CCDC88A: variants seen among roughly 807,000 people sequenced by gnomAD.
CCDC88A encodes girdin.
A neutral mutation model predicts 234.3 loss-of-function variants in CCDC88A; 54 were observed. The ratio of observed to expected loss-of-function variants is 0.23; its 90% confidence interval spans 0.19 to 0.29. The LOEUF (loss-of-function observed/expected upper bound fraction) is 0.29. Among genes scored for constraint, CCDC88A ranks in the 10% least tolerant of loss-of-function variants. The pLI is 1.00. For synonymous variants in CCDC88A, 753 were observed against 737.8 expected, an observed-to-expected ratio of 1.02 and a Z score of -0.33; for missense variants, 1,832 against 2,123.4, an observed-to-expected ratio of 0.86 and a Z score of 2.70.
intron 4 of CCDC88A, among the ~76,000 whole-genome samples, chr2:55,374,518 G>T (rs1050630122): frequency 1.3e-5 from 2 of 152,094 alleles, no homozygotes; most frequent in Non-Finnish European, 2.9e-5. Context: ...TTTTAAGTTT[G>T]TAACTACATC....
At chr2:55,322,775 G>A in intron 17 of CCDC88A, 83 bp from the exon 18 acceptor site, 1 of 644,680 alleles carries the variant, frequency 1.6e-6, no homozygotes, top group Non-Finnish European at 2.5e-6. Context: ...ACTCTGGGCT[G>A]ATCTGGTGAA....
At chr2:55,336,367 C>T (rs1685460962) in intron 14 of CCDC88A, among the ~76,000 whole-genome samples, 4 of 151,970 alleles carry the variant, frequency 2.6e-5, no homozygotes, top group Admixed American at 1.3e-4. Context: ...GCTCCATTTC[C>T]TGGCCAACTC....
intron 7 of CCDC88A, among the ~76,000 whole-genome samples, chr2:55,359,523 A>G (rs2104776146): frequency 6.6e-6 from 1 of 151,814 alleles, no homozygotes; most frequent in East Asian, 1.9e-4. Flanking sequence ...AAAAACAAAC[A>G]AAATAATCTG....
At chr2:55,391,553 A>G (rs1487957391) in intron 2 of CCDC88A, among the ~76,000 whole-genome samples, 1 of 152,252 alleles carries the variant, frequency 6.6e-6, no homozygotes, top group Non-Finnish European at 1.5e-5. Context: ...AACGTTAAGT[A>G]GGAAGAAATG....
rs562659960 is a variant in CCDC88A at position 55,289,832 on chromosome 2, T to A, written c.*1368A>T. 1 of 152,042 alleles carries A rather than the reference T, an allele frequency of 6.6e-6. No individual in the cohort carries two copies. Among genetic ancestry groups the A allele is most frequent in the Admixed American group, 6.6e-5 (1 of 15,260 alleles). The allele number at this position is 152,042 out of a possible 1,614,324, so 9.4% of individuals were successfully genotyped here. On this transcript the variant is annotated 3_prime_UTR_variant, in exon 33 of 33. Transcript: ENST00000436346. ...TTTCTTATGGTTACTGGGTTAGTGA[T>A]GAAACCCACAACTCATAAACCACAC...
At chr2:55,405,558 C>CTG (rs1679399772) in intron 2 of CCDC88A, 1 of 152,280 alleles carries the variant, frequency 6.6e-6, no homozygotes, top group East Asian at 1.9e-4. Context: ...TCAGGGTCCC[C>CTG]AACCCCTGGG....
At position 55,291,250 on chromosome 2, in the gene CCDC88A, T is replaced by G. The variant is rs534529827; in HGVS notation, c.*36-86A>C. 3 of 152,746 alleles carry G rather than the reference T, an allele frequency of 2.0e-5. No homozygotes were observed. In the South Asian group the frequency reaches 6.2e-4, roughly 32 times the overall value. 9.5% of individuals were successfully genotyped at this position (152,746 alleles called of 1,614,324 possible). On this transcript the variant is annotated intron_variant, in intron 32 of 32. Transcript: ENST00000436346. ...GAGACACAAAATACAGAGCAGCCAC[T>G]ATAAGAACAGCATGCACCAGGTATT...
chr2:55,342,212 T>G (rs1282487678), intron 12 of CCDC88A, among the ~76,000 whole-genome samples: 1 of 152,218 alleles, frequency 6.6e-6, no homozygotes, highest in Non-Finnish European at 1.5e-5. Flanking sequence ...TTAAAAAATT[T>G]TTAGTGCCTT....
At chr2:55,401,168 A>AAT (rs1678544422) in intron 2 of CCDC88A, among the ~76,000 whole-genome samples, 1 of 151,666 alleles carries the variant, frequency 6.6e-6, no homozygotes, top group Admixed American at 6.6e-5. Context: ...GGTGGCTCAT[A>AAT]CCCATAATCC....
At chr2:55,355,451 C>T (rs866718783) in intron 8 of CCDC88A, 128 bp downstream of exon 8, 4 of 698,822 alleles carry the variant, frequency 5.7e-6, no homozygotes, top group Middle Eastern at 5.4e-4. Flanking sequence ...TGCCAACCTC[C>T]TTATTTTTCT....
chr2:55,372,789 T>C (rs1223328453), intron 4 of CCDC88A, among the ~76,000 whole-genome samples: 3 of 152,194 alleles, frequency 2.0e-5, no homozygotes, highest in Admixed American at 6.5e-5. Context: ...TCCTTTTCCA[T>C]AAATGATTGT....
At chr2:55,403,676 G>C (rs1405448652) in intron 2 of CCDC88A, 1 of 152,228 alleles carries the variant, frequency 6.6e-6, no homozygotes, top group Admixed American at 6.5e-5. Flanking sequence ...TGTGCTAGCA[G>C]GGGTCTGATC....
Position 55,328,610 on chromosome 2 carries a change from C to G in CCDC88A, c.2856-175G>C, listed in dbSNP as rs1164042184. ...CCCCATTCTCCCTTTAAAACTAATC[C>G]TGGTAATGAAGCAACAAAATCATTG... On this transcript the variant is annotated intron_variant, in intron 16 of 32. Coordinates refer to ENST00000436346, the MANE Select transcript of CCDC88A (RefSeq NM_001365480.1). The surrounding 1 kb of genome is among the most constrained non-coding windows in gnomAD (Gnocchi z 4.3). 2.3e-6 allele frequency: 1 copy of G among 426,252 alleles called. No homozygotes were observed. Among genetic ancestry groups the G allele is most frequent in the Non-Finnish European group, 4.0e-6 (1 of 247,290 alleles). 26.4% of individuals were successfully genotyped at this position (426,252 alleles called of 1,614,324 possible).
rs946441250 is a variant in CCDC88A, at chr2:55,360,813, T to C, written c.627+1495A>G. Among the ~76,000 whole-genome samples, 8 of 152,148 alleles carry C rather than the reference T, an allele frequency of 5.3e-5. No homozygotes were observed. The East Asian group carries it at 1.5e-3, about 29-fold the overall frequency. On this transcript the variant is annotated intron_variant, in intron 7 of 32. Coordinates refer to ENST00000436346, the MANE Select transcript of CCDC88A (RefSeq NM_001365480.1). ...ATACAAAACCAAAGCATAGGTTGGGTGCAGTGGCTCACACCTGTATTCCCA... is the reference window on the plus strand; with the variant it reads ...ATACAAAACCAAAGCATAGGTTGGGCGCAGTGGCTCACACCTGTATTCCCA...
Position 55,290,827 on chromosome 2 carries a change from AAAAC to A in CCDC88A, c.*369_*372del, listed in dbSNP as rs1257837385. 1.3e-5 allele frequency: 2 copies of A among 152,666 alleles called. No individual in the cohort carries two copies. The highest frequency in any genetic ancestry group is 3.9e-4 in the East Asian group (2 of 5,186). The allele number at this position is 152,666 out of a possible 1,614,324, so 9.5% of individuals were successfully genotyped here. On this transcript the variant is annotated 3_prime_UTR_variant, in exon 33 of 33. Transcript: ENST00000436346. ...ATTAAGCAAACATGGATAAATTCAT[AAAAC>A]AAATGATGAAAAAAGCAGATTGTTC...
intron 9 of CCDC88A, among the ~76,000 whole-genome samples, chr2:55,347,396 CAGAGT>C (rs1669284275): frequency 6.6e-6 from 1 of 151,912 alleles, no homozygotes; most frequent in Admixed American, 6.6e-5. Context: ...CTCATGAGGG[CAGAGT>C]AAAGTTTTCC....
At chr2:55,346,787 A>ATC (rs1275608139) in intron 9 of CCDC88A, among the ~76,000 whole-genome samples, 3 of 152,174 alleles carry the variant, frequency 2.0e-5, no homozygotes, top group Non-Finnish European at 4.4e-5. Flanking sequence ...TATGTAAATT[A>ATC]TATCTAAATT....
chr2:55,346,322 C>T lies in CCDC88A; in HGVS notation c.894G>A (p.Leu298=). Residue 298 remains leucine, a synonymous_variant, in exon 10 of 33, where the codon TTG becomes TTA. Coordinates refer to ENST00000436346, the MANE Select transcript of CCDC88A (RefSeq NM_001365480.1). ...LKRLQQENMN[L]LSDARSARMY... ...TTCTGGCAGAGCGAGCATCCGAAAG[C>T]AAATTCATGTTCTAAACAAAAATTT... 3.8e-6 allele frequency: 6 copies of T among 1,586,072 alleles called. No homozygotes were observed. The highest frequency in any genetic ancestry group is 5.2e-6 in the Non-Finnish European group (6 of 1,164,134).
At position 55,335,438 on chromosome 2, in the gene CCDC88A, A is replaced by G. The variant is rs1685366292; in HGVS notation, c.1657-274T>C. On this transcript the variant is annotated intron_variant, in intron 14 of 32. Coordinates refer to ENST00000436346, the MANE Select transcript of CCDC88A (RefSeq NM_001365480.1). The surrounding 1 kb of genome is among the most constrained non-coding windows in gnomAD (Gnocchi z 4.5). ...GGAACGGTTGAGAAATGTATTTTCT[A>G]TTAATCATAATGGTCTTCAGATTAT... Among the ~76,000 whole-genome samples the G allele has an allele frequency of 6.6e-6, 1 of 152,216 alleles. No homozygotes were observed. Among genetic ancestry groups the G allele is most frequent in the Admixed American group, 6.5e-5 (1 of 15,286 alleles).
Sources: gnomAD v4.1 joint callset for allele counts (sites outside exome capture counted in the v4.1 genomes callset) on GRCh38, gnomAD v4.1.1 for gene constraint, Gnocchi (gnomAD v3.1) non-coding constraint, MANE v1.5 for transcripts, NCBI Gene and HGNC (gene_info 2026-07-23, HGNC 2026-07-21) for gene names.